The following SYNPO2 variants were observed in gnomAD, a reference collection of about 807,000 sequenced individuals.
The protein encoded by SYNPO2 is synaptopodin 2, also known as synaptopodin-2.
SYNPO2 carries 56 observed loss-of-function variants against 85.0 expected under a neutral mutation model. The ratio of observed to expected loss-of-function variants is 0.66; its 90% confidence interval spans 0.53 to 0.82. The LOEUF is 0.82. SYNPO2 is among the 40% of genes least tolerant of loss of function. The pLI, the probability that SYNPO2 is intolerant of heterozygous loss-of-function variation, is 0.00. For missense variants in SYNPO2, 1,575 were observed against 1,534.2 expected (o/e 1.03, Z -0.44); for synonymous variants, 602 against 591.1 (o/e 1.02, Z -0.27).
chr4:118,921,340 A>G (rs1273233919), intron 1 of SYNPO2, among the ~76,000 whole-genome samples: 1 of 152,202 alleles, frequency 6.6e-6, no homozygotes, highest in African/African-American at 2.4e-5. Flanking sequence ...CCATCATTAT[A>G]TTCATGATAC....
intron 1 of SYNPO2, among the ~76,000 whole-genome samples, chr4:118,905,694 C>T (rs1444641767): frequency 6.6e-6 from 1 of 152,042 alleles, no homozygotes; most frequent in Non-Finnish European, 1.5e-5. Flanking sequence ...TTTCCCTGGC[C>T]AGCCACACAA....
intron 1 of SYNPO2, among the ~76,000 whole-genome samples, chr4:118,989,598 T>TA (rs1348305730): frequency 1.2e-4 from 18 of 152,248 alleles, no homozygotes; most frequent in African/African-American, 3.9e-4. Flanking sequence ...CAGCTGCAAG[T>TA]AAAAAAACAG....
intron 1 of SYNPO2, among the ~76,000 whole-genome samples, chr4:118,906,833 A>AT (rs902850341): frequency 3.3e-5 from 5 of 151,672 alleles, no homozygotes; most frequent in African/African-American, 1.2e-4. Context: ...TATTATTTTT[A>AT]TTTTTCTTAG....
In SYNPO2 at chr4:119,029,934, C is replaced by T. The variant is rs1245247935; in HGVS notation, c.1159C>T (p.Pro387Ser). The change falls in exon 4 of 5, where the codon CCC (proline) becomes TCC (serine). Residue 387 changes from proline (P) to serine (S), a missense_variant. By Grantham distance (74) the Pro-to-Ser change is moderately conservative (BLOSUM62 -1). Coordinates refer to ENST00000307142, the MANE Select transcript of SYNPO2 (RefSeq NM_133477.3). ...CATTGCCCTTCTTCTAACGGATGCT[C>T]CCAACCCCAACTCCAAGGGGGTGTT... is the stretch of plus-strand genomic sequence containing the variant. ...KSIALLLTDA[P>S]NPNSKGVLMF... The T allele has an allele frequency of 6.2e-7, 1 of 1,613,824 alleles. No homozygotes were observed.
chr4:119,015,676 G>T (rs1737497265), intron 1 of SYNPO2, among the ~76,000 whole-genome samples: 1 of 152,120 alleles, frequency 6.6e-6, no homozygotes. Context: ...CGTTCCTAAA[G>T]ATATCACGTG....
intron 1 of SYNPO2, among the ~76,000 whole-genome samples, chr4:118,998,153 A>C (rs991287227): frequency 6.6e-6 from 1 of 152,192 alleles, no homozygotes; most frequent in Non-Finnish European, 1.5e-5. Flanking sequence ...GGAAAATTAC[A>C]AGGCCTTGAA....
intron 1 of SYNPO2, among the ~76,000 whole-genome samples, chr4:118,900,695 CTCTCTCTCTATATATATATATATA>C (rs1732708268): frequency 4.8e-5 from 2 of 42,042 alleles, no homozygotes; most frequent in African/African-American, 1.4e-4. Flanking sequence ...CTCTCTCTCT[CTCTCTCTCTATATATATATATATA>C]TATATATATA....
intron 1 of SYNPO2, among the ~76,000 whole-genome samples, chr4:118,976,865 G>A (rs555261564): frequency 1.1e-4 from 16 of 152,280 alleles, no homozygotes; most frequent in Non-Finnish European, 1.8e-4. Context: ...ACAGAGTGTC[G>A]ATTGGTGCAC....
At chr4:118,851,578 A>G (rs886189058) in intron 1 of SYNPO2, among the ~76,000 whole-genome samples, 6 of 152,266 alleles carry the variant, frequency 3.9e-5, no homozygotes, top group Admixed American at 2.6e-4. Context: ...ATATTATGGA[A>G]TAAAACAATT....
chr4:118,922,484 T>G (rs1397323477), intron 1 of SYNPO2, among the ~76,000 whole-genome samples: 2 of 152,124 alleles, frequency 1.3e-5, no homozygotes, highest in Non-Finnish European at 2.9e-5. Context: ...GAAACTCTAA[T>G]AGTTTACTTA....
chr4:119,007,271 T>C (rs1455600681), intron 1 of SYNPO2, among the ~76,000 whole-genome samples: 4 of 96,414 alleles, frequency 4.1e-5, no homozygotes, highest in South Asian at 2.9e-4. Flanking sequence ...TATATATATA[T>C]ATATGTATAT....
chr4:118,884,363 T>C (rs534076963), upstream of SYNPO2, among the ~76,000 whole-genome samples: 1 of 152,370 alleles, frequency 6.6e-6, no homozygotes, highest in South Asian at 2.1e-4. Flanking sequence ...TCAGTATCCA[T>C]GGAGAAGAGG....
chr4:118,934,145 A>G (rs1734023999), intron 1 of SYNPO2, among the ~76,000 whole-genome samples: 1 of 152,148 alleles, frequency 6.6e-6, no homozygotes, highest in Non-Finnish European at 1.5e-5. Context: ...TACTTTACAC[A>G]TAATTGGATA....
intron 1 of SYNPO2, among the ~76,000 whole-genome samples, chr4:119,015,367 AG>A (rs1051945140): frequency 6.6e-6 from 1 of 152,220 alleles, no homozygotes; most frequent in Non-Finnish European, 1.5e-5. Context: ...CTTTATCTGT[AG>A]TTTTATTTAT....
chr4:118,959,262 G>A (rs373889544), intron 1 of SYNPO2, among the ~76,000 whole-genome samples: 10 of 152,260 alleles, frequency 6.6e-5, no homozygotes, highest in African/African-American at 2.4e-4. Flanking sequence ...GACCAATCAC[G>A]GAGGTTTGGA....
chr4:118,927,742 AG>A (rs1733772826), intron 1 of SYNPO2, among the ~76,000 whole-genome samples: 4 of 113,450 alleles, frequency 3.5e-5, no homozygotes, highest in Non-Finnish European at 3.8e-5. Context: ...ATAGATAGAT[AG>A]ATAGATGATA....
intron 1 of SYNPO2, among the ~76,000 whole-genome samples, chr4:118,860,562 G>GT (rs34881544): frequency 2.6e-4 from 26 of 100,704 alleles, no homozygotes; most frequent in East Asian, 6.6e-4. Flanking sequence ...CTTTTTTTTT[G>GT]TTTTTTTTTT....
intron 1 of SYNPO2, among the ~76,000 whole-genome samples, chr4:118,951,822 T>C (rs958906124): frequency 3.9e-5 from 6 of 152,176 alleles, no homozygotes; most frequent in African/African-American, 1.4e-4. Flanking sequence ...GATTAAAATA[T>C]AAACTTTTTT....
chr4:119,032,837 T>C, intron 4 of SYNPO2: 1 of 776,850 alleles, frequency 1.3e-6, no homozygotes, highest in Non-Finnish European at 1.6e-6. Context: ...CTGAGCAACA[T>C]AGTGAGACCC....
Sources: gnomAD v4.1 joint callset for allele counts (sites outside exome capture counted in the v4.1 genomes callset) on GRCh38, gnomAD v4.1.1 for gene constraint, MANE v1.5 for transcripts, NCBI Gene and HGNC (gene_info 2026-07-23, HGNC 2026-07-21) for gene names.